FAM169A: variants seen among roughly 807,000 people sequenced by gnomAD.
FAM169A encodes the protein family with sequence similarity 169 member A, also known as soluble lamin-associated protein of 75 kDa.
FAM169A carries 24 observed loss-of-function variants against 75.7 expected under a neutral mutation model. The ratio of observed to expected loss-of-function variants is 0.32; its 90% CI spans 0.23 to 0.45. The LOEUF (loss-of-function observed/expected upper bound fraction) is 0.45. Ranked by LOEUF, FAM169A falls within the 20% of genes least tolerant of loss-of-function variation. The pLI, the probability that FAM169A is intolerant of heterozygous loss-of-function variation, is 1.00. For missense variants in FAM169A, 673 were observed against 784.0 expected, an observed-to-expected ratio of 0.86 and a Z score of 1.69; for synonymous variants, 271 against 271.0, an observed-to-expected ratio of 1.00 and a Z score of 0.00.
intron 11 of FAM169A, among the ~76,000 whole-genome samples, chr5:74,792,086 C>T (rs774235861): frequency 5.3e-5 from 8 of 152,042 alleles, no homozygotes; most frequent in African/African-American, 1.7e-4. Flanking sequence ...TCCACTTGTA[C>T]GAATGACAGT....
intron 1 of FAM169A, among the ~76,000 whole-genome samples, chr5:74,864,994 A>C (rs2112766018): frequency 6.6e-6 from 1 of 152,334 alleles, no homozygotes; most frequent in South Asian, 2.1e-4. Flanking sequence ...ATCCTGTGTA[A>C]AAAATAAAAA....
chr5:74,828,643 T>C lies in FAM169A; in HGVS notation c.490+5783A>G, dbSNP rs1748155888. On this transcript the variant is annotated intron_variant, in intron 5 of 12. Transcript: ENST00000687041. ...GTAGCTAGTGTTATAATGACTGAAC[T>C]TTTTAAAGGTTCTAAAATATAAATG... is the stretch of plus-strand genomic sequence containing the variant. Among the ~76,000 whole-genome samples the C allele has an allele frequency of 3.3e-5, 5 of 152,350 alleles. No homozygotes were observed. In the South Asian group the frequency reaches 1.0e-3, roughly 32 times the overall value.
At chr5:74,792,190 G>C (rs1746011875) in intron 11 of FAM169A, among the ~76,000 whole-genome samples, 1 of 152,158 alleles carries the variant, frequency 6.6e-6, no homozygotes, top group Non-Finnish European at 1.5e-5. Context: ...AGGCTGACAA[G>C]GGGTAGACTT....
At chr5:74,813,333 A>ATT (rs879904629) in intron 6 of FAM169A, among the ~76,000 whole-genome samples, 2 of 144,948 alleles carry the variant, frequency 1.4e-5, no homozygotes, top group Non-Finnish European at 1.5e-5. Flanking sequence ...TTGGTTTGGG[A>ATT]TTTTTTTTTT....
chr5:74,865,734 TG>T (rs1051635653), intron 1 of FAM169A: 1 of 152,402 alleles, frequency 6.6e-6, no homozygotes, highest in Non-Finnish European at 1.5e-5. Flanking sequence ...GTCTAAACGC[TG>T]AAGTTCCACA....
chr5:74,859,563 C>T (rs1749928246), intron 1 of FAM169A, among the ~76,000 whole-genome samples: 3 of 152,154 alleles, frequency 2.0e-5, no homozygotes, highest in Admixed American at 1.3e-4. Context: ...GCTGGGATTA[C>T]AGGCGTGAGC....
rs1330518953 is a variant in FAM169A at position 74,848,946 on chromosome 5, CA to C, written c.-3-7268del. The C allele has an allele frequency of 2.6e-5, 4 of 152,070 alleles. No individual in the cohort carries two copies. The East Asian group carries it at 7.7e-4, about 29-fold the overall frequency. The allele number at this position is 152,070 out of a possible 1,614,324, so 9.4% of individuals were successfully genotyped here. On this transcript the variant is annotated intron_variant, in intron 1 of 12. Coordinates refer to ENST00000687041, the MANE Select transcript of FAM169A (RefSeq NM_001376049.1). ...GTAAAGCTGTCAGATCAAATTCTGTCAAGTACTTTATGCTCTGTCCATGAGA... is the reference window on the plus strand; with the variant it reads ...GTAAAGCTGTCAGATCAAATTCTGTCAGTACTTTATGCTCTGTCCATGAGA...
At chr5:74,784,859 C>T (rs967928131) in intron 11 of FAM169A, among the ~76,000 whole-genome samples, 1 of 136,300 alleles carries the variant, frequency 7.3e-6, no homozygotes, top group African/African-American at 2.8e-5. Flanking sequence ...GCGGAGTTTG[C>T]AGTGAGCCAA....
intron 5 of FAM169A, among the ~76,000 whole-genome samples, chr5:74,818,774 T>C (rs1020497872): frequency 9.1e-6 from 1 of 110,168 alleles, no homozygotes; most frequent in Non-Finnish European, 1.7e-5. Flanking sequence ...TTCACAGCTC[T>C]CTCTCTCTCT....
intron 11 of FAM169A, among the ~76,000 whole-genome samples, chr5:74,788,041 G>GC (rs972217754): frequency 1.3e-5 from 2 of 152,068 alleles, no homozygotes; most frequent in Admixed American, 1.3e-4. Context: ...GAGACCTCTG[G>GC]CCTTTTACCA....
chr5:74,839,499 G>A (rs1748744789), intron 3 of FAM169A, among the ~76,000 whole-genome samples: 1 of 151,556 alleles, frequency 6.6e-6, no homozygotes, highest in Non-Finnish European at 1.5e-5. Context: ...CCCCAGCCAT[G>A]CGGAACTGTG....
chr5:74,804,522 C>A lies in FAM169A; in HGVS notation c.883G>T (p.Asp295Tyr), dbSNP rs550902511. 3 of 1,604,154 alleles carry A rather than the reference C, an allele frequency of 1.9e-6. No homozygotes were observed. The South Asian group carries it at 3.3e-5, about 18-fold the overall frequency. ...SVPEYEARTE[D>Y]NQSSEMQLTI... ...AGCTGCATCTCACTAGACTGATTGTCTTCAGTTCTTGCTTCGTATTCTGGA... is the reference window on the plus strand; with the variant it reads ...AGCTGCATCTCACTAGACTGATTGTATTCAGTTCTTGCTTCGTATTCTGGA... The change falls in exon 8 of 13, where the codon GAC (aspartate) becomes TAC (tyrosine). Residue 295 changes from aspartate (D) to tyrosine (Y), a missense_variant. Physicochemically the swap from Asp to Tyr is radical, Grantham distance 160. This residue lies in a region of FAM169A where 510 missense variants were observed against 550.9 expected (regional missense o/e 0.93). Transcript: ENST00000687041.
chr5:74,813,056 C>CCAGA (rs1166215724), intron 6 of FAM169A, among the ~76,000 whole-genome samples: 11 of 152,178 alleles, frequency 7.2e-5, no homozygotes, highest in Non-Finnish European at 1.0e-4. Flanking sequence ...GTGAAAGAAG[C>CCAGA]CAGACACAAA....
intron 1 of FAM169A, chr5:74,865,916 G>GGCCGGCGCACCTGGGGGC (rs1177422527): frequency 3.9e-5 from 6 of 152,256 alleles, no homozygotes; most frequent in African/African-American, 1.2e-4. Context: ...CCGAGGCGGA[G>GGCCGGCGCACCTGGGGGC]GCCGGCGCAC....
chr5:74,799,581 A>G, intron 10 of FAM169A: 1 of 1,486,962 alleles, frequency 6.7e-7, no homozygotes, highest in Non-Finnish European at 9.4e-7. Context: ...AGCTGATGTC[A>G]GAGTCTGGTG....
At chr5:74,857,571 G>GAAAAAAAAAAAAAAAA (rs1561328873) in intron 1 of FAM169A, among the ~76,000 whole-genome samples, 1 of 65,722 alleles carries the variant, frequency 1.5e-5, no homozygotes, top group African/African-American at 6.3e-5. Flanking sequence ...CCTTGCCGCG[G>GAAAAAAAAAAAAAAAA]GAAAAAAAAA....
intron 1 of FAM169A, among the ~76,000 whole-genome samples, chr5:74,853,016 T>A (rs1373584135): frequency 6.6e-6 from 1 of 152,208 alleles, no homozygotes. Context: ...TTTTTCTTCA[T>A]CTGTCTCTCC....
At position 74,819,362 on chromosome 5, in the gene FAM169A, C is replaced by G. The variant is rs141197778; in HGVS notation, c.491-5343G>C. On this transcript the variant is annotated intron_variant, in intron 5 of 12. Transcript: ENST00000687041. ...CAAAATTACAATGGCACGGCTACTTCGTATCTGCTAGGTGAACTATAATCA... is the reference window on the plus strand; with the variant it reads ...CAAAATTACAATGGCACGGCTACTTGGTATCTGCTAGGTGAACTATAATCA... Among the ~76,000 whole-genome samples, 914 of 152,274 alleles carry G rather than the reference C, an allele frequency of 6.0e-3. 7 individuals carry two copies. The highest frequency in any genetic ancestry group is 8.2e-3 in the Non-Finnish European group (555 of 68,034).
chr5:74,797,323 T>C (rs753595196), intron 10 of FAM169A, among the ~76,000 whole-genome samples: 29 of 152,096 alleles, frequency 1.9e-4, no homozygotes, highest in Admixed American at 1.1e-3. Flanking sequence ...ATTACAGAAG[T>C]GTGCCACCAC....
Sources: gnomAD v4.1 joint callset for allele counts (sites outside exome capture counted in the v4.1 genomes callset) on GRCh38, gnomAD v4.1.1 for gene constraint, gnomAD v4.1.1 regional missense constraint, MANE v1.5 for transcripts, NCBI Gene and HGNC (gene_info 2026-07-23, HGNC 2026-07-21) for gene names.